Variants in DPYS observed in about 807,000 individuals in gnomAD.
DPYS encodes dihydropyrimidine amidohydrolase.
DPYS carries 39 observed loss-of-function variants against 50.3 expected under a neutral mutation model. The ratio of observed to expected loss-of-function variants is 0.78; its 90% confidence interval spans 0.60 to 1.01. The LOEUF (loss-of-function observed/expected upper bound fraction) is 1.01, where lower values mean the gene tolerates loss of function less well. Among genes scored for constraint, DPYS ranks in the 50% least tolerant of loss-of-function variants. The pLI is 0.00. For missense variants in DPYS, 659 were observed against 680.9 expected (o/e 0.97, Z 0.36); for synonymous variants, 245 against 250.7 (o/e 0.98, Z 0.22).
intron 2 of DPYS, among the ~76,000 whole-genome samples, chr8:104,450,331 C>T (rs1283903214): frequency 6.6e-6 from 1 of 152,136 alleles, no homozygotes; most frequent in Non-Finnish European, 1.5e-5. Flanking sequence ...GCTGAACTAC[C>T]TGTTAAAGAT....
chr8:104,429,511 C>T (rs1371101700), intron 5 of DPYS, 34 bp downstream of exon 5: 19 of 1,613,562 alleles, frequency 1.2e-5, no homozygotes, highest in Non-Finnish European at 1.6e-5. Flanking sequence ...CTTCTTTTGG[C>T]AATACACTTC....
chr8:104,384,204 C>T lies in DPYS; in HGVS notation c.1444-2890G>A, dbSNP rs535971542. On this transcript the variant is annotated intron_variant, in intron 8 of 9. Transcript: ENST00000351513. ...GCTGTCTCACTCTCCACAGTCTTTC[C>T]TTTTGATAGATAAGTTGACAGAAAT... Among the ~76,000 whole-genome samples, 784 of 152,300 alleles carry T rather than the reference C, an allele frequency of 5.1e-3. 3 individuals are homozygous for T. The highest frequency in any genetic ancestry group is 0.018 in the African/African-American group (751 of 41,568).
At chr8:104,388,076 A>G (rs1178127744) in intron 8 of DPYS, among the ~76,000 whole-genome samples, 1 of 152,238 alleles carries the variant, frequency 6.6e-6, no homozygotes, top group Admixed American at 6.5e-5. Flanking sequence ...AATTAGGATT[A>G]TATGGCAAGT....
At chr8:104,407,621 G>T (rs1449021575) in intron 7 of DPYS, among the ~76,000 whole-genome samples, 1 of 152,050 alleles carries the variant, frequency 6.6e-6, no homozygotes, top group African/African-American at 2.4e-5. Context: ...TATTCTCATA[G>T]GTAACAGAAA....
At chr8:104,434,094 G>A (rs1380616086) in intron 4 of DPYS, among the ~76,000 whole-genome samples, 3 of 152,166 alleles carry the variant, frequency 2.0e-5, no homozygotes, top group Non-Finnish European at 4.4e-5. Flanking sequence ...TCAAATACAT[G>A]TAAGCTATAC....
intron 4 of DPYS, among the ~76,000 whole-genome samples, chr8:104,440,893 A>G (rs1266925805): frequency 1.3e-5 from 2 of 152,216 alleles, no homozygotes; most frequent in African/African-American, 4.8e-5. Flanking sequence ...TTTTACATTT[A>G]GAAATGATGT....
At chr8:104,420,116 G>A (rs1564094032) in intron 7 of DPYS, 1 of 152,190 alleles carries the variant, frequency 6.6e-6, no homozygotes, top group Non-Finnish European at 1.5e-5. Context: ...GATTGTAAGT[G>A]GGTTTTCTGG....
rs1398743978 is a variant in DPYS at position 104,403,603 on chromosome 8, C to T, written c.1236-10612G>A. 1.3e-5 allele frequency among the ~76,000 whole-genome samples: 2 copies of T among 152,144 alleles called. 1 individual carries two copies. The highest frequency in any genetic ancestry group is 2.9e-5 in the Non-Finnish European group (2 of 68,026). On this transcript the variant is annotated intron_variant, in intron 7 of 9. Coordinates refer to ENST00000351513, the MANE Select transcript of DPYS (RefSeq NM_001385.3). Reference sequence around the variant, plus strand: ...CTGGATAACAGAAATGTCTGGGGGACTTCTAAACTTAACTCTTTTTTTTGA... The same window carrying T: ...CTGGATAACAGAAATGTCTGGGGGATTTCTAAACTTAACTCTTTTTTTTGA...
intron 1 of DPYS, among the ~76,000 whole-genome samples, chr8:104,451,611 G>C (rs954841836): frequency 8.5e-5 from 13 of 152,130 alleles, no homozygotes; most frequent in African/African-American, 3.1e-4. Context: ...TGCTGGAATT[G>C]CTTCTGCAAA....
At chr8:104,441,551 T>C (rs921454487) in intron 4 of DPYS, among the ~76,000 whole-genome samples, 1 of 152,154 alleles carries the variant, frequency 6.6e-6, no homozygotes, top group South Asian at 2.1e-4. Flanking sequence ...GTCAAAATAA[T>C]GTGATGTGAG....
intron 1 of DPYS, among the ~76,000 whole-genome samples, chr8:104,459,860 T>G (rs757872313): frequency 4.6e-5 from 7 of 152,166 alleles, no homozygotes; most frequent in Non-Finnish European, 7.4e-5. Context: ...CATTTATCTT[T>G]TCTAAAAGTC....
At chr8:104,450,312 A>G (rs1362188021) in intron 2 of DPYS, among the ~76,000 whole-genome samples, 3 of 152,168 alleles carry the variant, frequency 2.0e-5, no homozygotes, top group Non-Finnish European at 4.4e-5. Flanking sequence ...AAACCTTGCT[A>G]TTATGTTTGC....
At chr8:104,447,049 C>A (rs111424207) in intron 3 of DPYS, among the ~76,000 whole-genome samples, 10 of 152,192 alleles carry the variant, frequency 6.6e-5, no homozygotes, top group African/African-American at 2.4e-4. Context: ...GTTTTCATAA[C>A]TGCACATGTT....
intron 7 of DPYS, among the ~76,000 whole-genome samples, chr8:104,402,035 C>A (rs1017780794): frequency 2.6e-5 from 4 of 152,146 alleles, no homozygotes; most frequent in Non-Finnish European, 4.4e-5. Flanking sequence ...TAAAAATGCT[C>A]CCCAAGCATT....
rs146953576 is a variant in DPYS, at chr8:104,418,297, T to C, written c.1235+5950A>G. ...GCTGGGCAATTATTTTTGCTAAAACTGTTTAAGGAAATTTTGTAGGAAAAT... is the reference window on the plus strand; with the variant it reads ...GCTGGGCAATTATTTTTGCTAAAACCGTTTAAGGAAATTTTGTAGGAAAAT... On this transcript the variant is annotated intron_variant, in intron 7 of 9. Transcript: ENST00000351513. 3.6e-3 allele frequency among the ~76,000 whole-genome samples: 541 copies of C among 152,308 alleles called. 3 individuals carry two copies. The highest frequency in any genetic ancestry group is 0.011 in the African/African-American group (447 of 41,576).
intron 8 of DPYS, among the ~76,000 whole-genome samples, chr8:104,384,305 G>T (rs1014326670): frequency 6.6e-6 from 1 of 152,118 alleles, no homozygotes; most frequent in African/African-American, 2.4e-5. Context: ...CTTAGAATTG[G>T]GTTACATAAG....
At chr8:104,419,448 T>C (rs1416617765) in intron 7 of DPYS, 1 of 152,110 alleles carries the variant, frequency 6.6e-6, no homozygotes, top group African/African-American at 2.4e-5. Flanking sequence ...ACTCCTTAAG[T>C]ATGGGCTGTA....
At chr8:104,389,544 T>A (rs6468923) in intron 8 of DPYS, among the ~76,000 whole-genome samples, 232 of 105,550 alleles carry the variant, frequency 2.2e-3, no homozygotes, top group Non-Finnish European at 3.4e-3. Context: ...CTTTTATTTT[T>A]TTTTTTTTGT....
chr8:104,456,402 G>C (rs190458352), intron 1 of DPYS, among the ~76,000 whole-genome samples: 2 of 152,138 alleles, frequency 1.3e-5, no homozygotes, highest in African/African-American at 4.8e-5. Flanking sequence ...GAAAATTCTC[G>C]GGGCTACAAT....
Sources: allele counts gnomAD v4.1 joint callset (sites outside exome capture counted in the v4.1 genomes callset), GRCh38; gene constraint gnomAD v4.1.1; transcripts MANE v1.5; gene names NCBI Gene and HGNC (gene_info 2026-07-23, HGNC 2026-07-21).